TLE2: variants seen among roughly 807,000 people sequenced by gnomAD.
TLE2 encodes the protein transducin-like enhancer protein 2.
In TLE2, 74 loss-of-function variants were observed where a neutral mutation model predicts 97.2. The observed-to-expected ratio is 0.76, with a 90% CI of 0.63 to 0.92. TLE2 has a LOEUF of 0.92. Among genes scored for constraint, TLE2 ranks in the 40% least tolerant of loss-of-function variants. The probability of loss-of-function intolerance (pLI) is 0.00; values close to 1 mark genes in which losing one functional copy is unlikely to be tolerated. For synonymous variants in TLE2, 499 were observed against 432.1 expected, an observed-to-expected ratio of 1.15 and a Z score of -1.92; for missense variants, 1,038 against 1,008.7, an observed-to-expected ratio of 1.03 and a Z score of -0.39.
intron 18 of TLE2, among the ~76,000 whole-genome samples, chr19:3,001,713 G>A (rs1220613476): frequency 1.3e-5 from 2 of 151,410 alleles, no homozygotes; most frequent in Admixed American, 6.6e-5. Flanking sequence ...GGTCTTGGGC[G>A]ATCCTTCTGC....
intron 4 of TLE2, chr19:3,025,483 C>T: frequency 9.8e-7 from 1 of 1,015,432 alleles, no homozygotes; most frequent in Non-Finnish European, 1.2e-6. Context: ...AGATTCCAGC[C>T]CCGGCTTGGC....
At chr19:3,025,517 C>T in intron 4 of TLE2, 1 of 997,588 alleles carries the variant, frequency 1.0e-6, no homozygotes, top group Non-Finnish European at 1.2e-6. Context: ...AGGCAAGGCC[C>T]CTTTCTTGGT....
intron 1 of TLE2, among the ~76,000 whole-genome samples, chr19:3,045,497 A>G (rs1232130463): frequency 6.6e-6 from 1 of 152,162 alleles, no homozygotes; most frequent in Non-Finnish European, 1.5e-5. Context: ...CAGTGAGTCC[A>G]GAAACTTCTT....
At chr19:3,006,051 GAGCCCAATGTAGCCTCAT>G in intron 15 of TLE2, 83 bp from the exon 16 acceptor site, 3 of 1,512,338 alleles carry the variant, frequency 2.0e-6, no homozygotes, top group Middle Eastern at 3.4e-4. Context: ...GGGGTCTCTG[GAGCCCAATGTAGCCTCAT>G]CCTGATTAGC....
upstream of TLE2, among the ~76,000 whole-genome samples, chr19:3,032,507 C>T (rs1313991308): frequency 2.6e-5 from 4 of 151,984 alleles, no homozygotes; most frequent in East Asian, 3.8e-4. This position sits in a 1 kb window ranked among gnomAD's most constrained non-coding sequence, Gnocchi z 4.1. Context: ...CAAAGTGCTG[C>T]GATTACAGGC....
At chr19:3,046,379 G>A (rs1014120099), upstream of TLE2, among the ~76,000 whole-genome samples, 7 of 152,226 alleles carry the variant, frequency 4.6e-5, no homozygotes, top group African/African-American at 1.2e-4. Flanking sequence ...TGTCTAATGC[G>A]TCCTAGCTTT....
chr19:3,026,629 C>A (rs747543318), intron 4 of TLE2, among the ~76,000 whole-genome samples: 1 of 146,842 alleles, frequency 6.8e-6, no homozygotes, highest in Non-Finnish European at 1.5e-5. Flanking sequence ...TGAGGTCTAT[C>A]TCTGAACCCT....
At chr19:3,017,744 G>T in intron 8 of TLE2, 96 bp downstream of exon 8, 1 of 1,221,254 alleles carries the variant, frequency 8.2e-7, no homozygotes, top group African/African-American at 1.6e-5. Context: ...GAGCCACCAT[G>T]ATCGACCTAG....
rs533463916 is a variant in TLE2 at position 3,011,068 on chromosome 19, G to A, written c.966C>T (p.His322=). ...CTGGCTTGGCAGCAAGCTGGCAGAG[G>A]TGACTGGCCGAGCTGGGCCCGGGGG... ...ASTPGPSSAS[H]LCQLAAKPAP... The change falls in exon 12 of 20, where the codon CAC becomes CAT. Residue 322 remains histidine (H), a synonymous_variant. Coordinates refer to ENST00000262953, the MANE Select transcript of TLE2 (RefSeq NM_003260.5). 2.4e-5 allele frequency: 39 copies of A among 1,608,056 alleles called. 1 individual carries two copies. In the South Asian group the frequency reaches 3.7e-4, roughly 15 times the overall value.
At chr19:2,999,591 G>A (rs1039673118) in intron 19 of TLE2, among the ~76,000 whole-genome samples, 11 of 152,000 alleles carry the variant, frequency 7.2e-5, no homozygotes, top group Non-Finnish European at 1.0e-4. Context: ...GCCAGGTGTG[G>A]TGGCGGGTAC....
At chr19:3,043,365 T>TTG (rs2090118575) in intron 1 of TLE2, among the ~76,000 whole-genome samples, 1 of 94,822 alleles carries the variant, frequency 1.1e-5, no homozygotes, top group African/African-American at 6.0e-5. Flanking sequence ...CTTCTGCAGC[T>TTG]TTTTTTTTTT....
upstream of TLE2, among the ~76,000 whole-genome samples, chr19:3,046,492 C>G (rs529972140): frequency 6.6e-6 from 1 of 152,320 alleles, no homozygotes; most frequent in African/African-American, 2.4e-5. Flanking sequence ...CTGCTGGAGG[C>G]CAGAGCCTGG....
At chr19:3,047,254 C>T (rs1316778592), upstream of TLE2, among the ~76,000 whole-genome samples, 4 of 141,344 alleles carry the variant, frequency 2.8e-5, no homozygotes, top group Non-Finnish European at 6.2e-5. Context: ...TCGCCCGCGG[C>T]GCAGTCGTTA....
chr19:3,001,030 T>C (rs1369942121), intron 18 of TLE2, among the ~76,000 whole-genome samples: 1 of 151,930 alleles, frequency 6.6e-6, no homozygotes, highest in East Asian at 1.9e-4. Flanking sequence ...ATCCCCACTT[T>C]GGGAGACAGA....
At chr19:3,028,262 C>T (rs1212556989) in intron 3 of TLE2, 57 bp downstream of exon 3, 2 of 1,536,890 alleles carry the variant, frequency 1.3e-6, no homozygotes, top group South Asian at 1.2e-5. Context: ...CAGAGTCCAC[C>T]GTGACTCAAA....
chr19:3,047,252 G>A (rs1468387492), upstream of TLE2, among the ~76,000 whole-genome samples: 2 of 139,106 alleles, frequency 1.4e-5, no homozygotes, highest in African/African-American at 5.4e-5. Flanking sequence ...GGTCGCCCGC[G>A]GCGCAGTCGT....
At chr19:3,044,076 G>A (rs2090124617) in intron 1 of TLE2, among the ~76,000 whole-genome samples, 1 of 152,116 alleles carries the variant, frequency 6.6e-6, no homozygotes, top group South Asian at 2.1e-4. Context: ...GGGAGGCTGG[G>A]GCAGGAGAAT....
intron 5 of TLE2, among the ~76,000 whole-genome samples, chr19:3,022,207 C>A (rs528796004): frequency 1.3e-5 from 2 of 152,108 alleles, no homozygotes; most frequent in South Asian, 4.2e-4. Context: ...TGCCACCACA[C>A]CCAGCTAATT....
chr19:3,033,986 G>A (rs956860764), upstream of TLE2, among the ~76,000 whole-genome samples: 5 of 151,904 alleles, frequency 3.3e-5, no homozygotes, highest in Non-Finnish European at 7.4e-5. Context: ...TGACCGCCTC[G>A]TGAGGATGGC....
Sources: gnomAD v4.1 joint callset for allele counts (sites outside exome capture counted in the v4.1 genomes callset) on GRCh38, gnomAD v4.1.1 for gene constraint, Gnocchi (gnomAD v3.1) non-coding constraint, MANE v1.5 for transcripts, NCBI Gene and HGNC (gene_info 2026-07-23, HGNC 2026-07-21) for gene names.